The following LRPAP1 variants were observed in gnomAD, a reference collection of about 807,000 sequenced individuals.
The protein encoded by LRPAP1 is alpha-2-macroglobulin receptor-associated protein.
Under a neutral mutation model 39.9 loss-of-function variants are expected in LRPAP1, and 41 were observed. The observed-to-expected ratio is 1.03, with a 90% CI of 0.80 to 1.33. The LOEUF (loss-of-function observed/expected upper bound fraction) is 1.33. LRPAP1 is among the 40% of genes most tolerant of loss of function. The pLI is 0.00. For missense variants in LRPAP1, 565 were observed against 482.3 expected (o/e 1.17, Z -1.61); for synonymous variants, 263 against 212.7 (o/e 1.24, Z -2.06).
intron 1 of LRPAP1, among the ~76,000 whole-genome samples, chr4:3,525,551 C>G (rs1730055834): frequency 2.0e-5 from 3 of 152,194 alleles, no homozygotes; most frequent in Admixed American, 2.0e-4. Flanking sequence ...TCCGAACTGT[C>G]TTGCTGAGAC....
At chr4:3,524,621 G>T (rs534641244) in intron 2 of LRPAP1, among the ~76,000 whole-genome samples, 3 of 152,216 alleles carry the variant, frequency 2.0e-5, no homozygotes, top group Non-Finnish European at 4.4e-5. Context: ...AGTCAGAGGC[G>T]TAGCCCACAG....
Position 3,514,748 on chromosome 4 carries a change from G to T in LRPAP1, c.1011+4C>A, listed in dbSNP as rs368651014. ...GCCTCCCCGGTCCTGGAACCCGTGC[G>T]CACCGTGTAGCCCAGCTCCTTGGTC... On this transcript the variant is annotated splice_donor_region_variant and intron_variant, in intron 7 of 7. Transcript: ENST00000650182. 3 of 1,596,964 alleles carry T rather than the reference G, an allele frequency of 1.9e-6. No individual in the cohort carries two copies. The highest frequency in any genetic ancestry group is 2.2e-5 in the South Asian group (2 of 90,720).
rs1729533254 is a variant in LRPAP1, at chr4:3,511,893, CT to C, written c.*1080del. 5.3e-4 allele frequency: 60 copies of C among 113,628 alleles called. 1 individual carries two copies. The highest frequency in any genetic ancestry group is 8.7e-4 in the Admixed American group (10 of 11,438). 7.0% of individuals were successfully genotyped at this position (113,628 alleles called of 1,614,324 possible). On this transcript the variant is annotated 3_prime_UTR_variant, in exon 8 of 8. Transcript: ENST00000650182. ...GCTCAGACACGGGAAGGGAACCACG[CT>C]CGGAGCCGGACCCGAGCCTCTTCCA...
chr4:3,518,488 G>A (rs547930991), intron 4 of LRPAP1, among the ~76,000 whole-genome samples: 1 of 152,302 alleles, frequency 6.6e-6, no homozygotes, highest in Non-Finnish European at 1.5e-5. Context: ...CCTCTCTGCT[G>A]GGTCACCCTC....
At chr4:3,527,514 G>A (rs920320372) in intron 1 of LRPAP1, among the ~76,000 whole-genome samples, 7 of 152,210 alleles carry the variant, frequency 4.6e-5, no homozygotes, top group Admixed American at 2.6e-4. Context: ...CTTCCCCGTG[G>A]CTGCTGCTAC....
chr4:3,525,130 C>T (rs775254938), intron 1 of LRPAP1, 79 bp from the exon 2 acceptor site: 1 of 1,562,732 alleles, frequency 6.4e-7, no homozygotes, highest in Non-Finnish European at 8.7e-7. Flanking sequence ...TCGGAGGAGG[C>T]TGGCCACCGG....
intron 3 of LRPAP1, among the ~76,000 whole-genome samples, chr4:3,519,682 C>T (rs1459218843): frequency 1.3e-5 from 2 of 152,200 alleles, no homozygotes; most frequent in Non-Finnish European, 2.9e-5. Flanking sequence ...GGTGAAAGCC[C>T]AGCCCCACAC....
rs1332198742 is a variant in LRPAP1, at chr4:3,525,000, G to T, written c.256C>A (p.Gln86Lys). 12 of 1,614,140 alleles carry T rather than the reference G, an allele frequency of 7.4e-6. No individual in the cohort carries two copies. In the East Asian group the frequency reaches 2.7e-4, roughly 36 times the overall value. Residue 86 changes from glutamine (Q) to lysine (K), a missense_variant, in exon 2 of 8, where the codon CAG becomes AAG. Coordinates refer to ENST00000650182, the MANE Select transcript of LRPAP1 (RefSeq NM_002337.4). The part of the protein sequence containing the change: ...LAELHADLKI[Q>K]ERDELAWKKL... ...TTCCAGGCGAGTTCGTCCCTCTCCT[G>T]TATCTTCAGATCAGCGTGGAGCTCG...
intron 2 of LRPAP1, 71 bp downstream of exon 2, chr4:3,524,836 C>T (rs1730028782): frequency 6.4e-7 from 1 of 1,557,890 alleles, no homozygotes; most frequent in Admixed American, 1.7e-5. Flanking sequence ...ATCCGACATC[C>T]AAAACACTGC....
Position 3,532,390 on chromosome 4 carries a change from G to T in LRPAP1, c.23C>A (p.Ser8Ter), listed in dbSNP as rs761639938. The change falls in exon 1 of 8, where the codon TCG becomes TAG. Residue 8 changes from serine (S) to a stop codon, truncating the protein, a stop_gained. Transcript: ENST00000650182. LOFTEE classifies it high-confidence loss of function. ...CAGCGCCGGGAGCCCGCGCAGAAAC[G>T]ACCTGACCCTCCGCGGCGCCATCTT... MAPRRVRSFLRGLPALLL... is the reference protein window; with the variant it reads MAPRRVR 24 of 1,586,920 alleles carry T rather than the reference G, an allele frequency of 1.5e-5. No individual in the cohort carries two copies. The highest frequency in any genetic ancestry group is 2.3e-5 in the East Asian group (1 of 43,722).
At chr4:3,518,477 C>A (rs1201188794) in intron 4 of LRPAP1, among the ~76,000 whole-genome samples, 1 of 152,208 alleles carries the variant, frequency 6.6e-6, no homozygotes. Flanking sequence ...CTGCCCTGCC[C>A]CCTCTCTGCT....
intron 7 of LRPAP1, among the ~76,000 whole-genome samples, chr4:3,514,216 G>C: frequency 6.6e-6 from 1 of 152,202 alleles, no homozygotes; most frequent in East Asian, 1.9e-4. Context: ...TTTTGAATCG[G>C]TAACACATGC....
intron 1 of LRPAP1, among the ~76,000 whole-genome samples, chr4:3,527,136 T>C (rs1328354933): frequency 1.3e-5 from 2 of 152,118 alleles, no homozygotes; most frequent in African/African-American, 4.8e-5. Flanking sequence ...CAGGGGCTGC[T>C]TTCCAGGATT....
At position 3,518,983 on chromosome 4, in the gene LRPAP1, G is replaced by C. The variant is rs752067923; in HGVS notation, c.480C>G (p.Thr160=). 4.3e-6 allele frequency: 7 copies of C among 1,613,852 alleles called. No homozygotes were observed. In the East Asian group the frequency reaches 6.7e-5, roughly 15 times the overall value. Residue 160 remains threonine (T), a synonymous_variant, in exon 4 of 8, where the codon ACC becomes ACG. Coordinates refer to ENST00000650182, the MANE Select transcript of LRPAP1 (RefSeq NM_002337.4). ...RLEKLWHKAK[T]SGKFSGEELD... ...GTTCTTCGCCGGAGAATTTCCCAGA[G>C]GTCTTCGCCTAAGAGGGAAACAAGG...
At chr4:3,516,256 C>T (rs1176274529) in intron 5 of LRPAP1, 58 bp from the exon 6 acceptor site, 1 of 1,396,110 alleles carries the variant, frequency 7.2e-7, no homozygotes, top group Non-Finnish European at 9.9e-7. Context: ...CCACAGCCAG[C>T]CCCGCGGCAA....
chr4:3,525,236 T>G, intron 1 of LRPAP1, 185 bp from the exon 2 acceptor site: 2 of 630,038 alleles, frequency 3.2e-6, no homozygotes, highest in South Asian at 1.8e-5. Flanking sequence ...TGGACACCAG[T>G]CTCTAGGCCT....
rs1729306332 is a variant in LRPAP1, at chr4:3,504,902, G to A, written c.*8072C>T. On this transcript the variant is annotated 3_prime_UTR_variant, in exon 8 of 8. Transcript: ENST00000650182. ...GCAGAGGTTGCAGTGAGCCGAGATC[G>A]CACCAACGCACTCCAGCCTGGGCGA... Among the ~76,000 whole-genome samples the A allele has an allele frequency of 6.6e-6, 1 of 152,070 alleles. No individual in the cohort carries two copies. Among genetic ancestry groups the A allele is most frequent in the African/African-American group, 2.4e-5 (1 of 41,396 alleles).
At chr4:3,532,024 G>T in intron 1 of LRPAP1, 185 bp downstream of exon 1, 1 of 666,316 alleles carries the variant, frequency 1.5e-6, no homozygotes, top group Non-Finnish European at 2.4e-6. Flanking sequence ...TACCTTTCCT[G>T]CTGCAGAAGG....
chr4:3,531,599 T>C (rs936206304), intron 1 of LRPAP1, among the ~76,000 whole-genome samples: 3 of 152,012 alleles, frequency 2.0e-5, no homozygotes, highest in Admixed American at 1.3e-4. Context: ...ACCTTGGGGG[T>C]GCCCTTTCCC....
Sources: gnomAD v4.1 joint callset for allele counts (sites outside exome capture counted in the v4.1 genomes callset) on GRCh38, gnomAD v4.1.1 for gene constraint, MANE v1.5 for transcripts, NCBI Gene and HGNC (gene_info 2026-07-23, HGNC 2026-07-21) for gene names.